Variants in ASPRV1 observed in about 807,000 individuals in gnomAD.
ASPRV1 encodes the protein retroviral-like aspartic protease 1.
ASPRV1 carries 7 observed loss-of-function variants against 11.0 expected under a neutral mutation model. The observed-to-expected ratio is 0.64, with a 90% CI of 0.36 to 1.20. The LOEUF (loss-of-function observed/expected upper bound fraction) is 1.20. Ranked by LOEUF, ASPRV1 falls within the 50% of genes most tolerant of loss-of-function variation. ASPRV1 has a pLI of 0.02. For synonymous variants in ASPRV1, 136 were observed against 138.4 expected (o/e 0.98, Z 0.12); for missense variants, 299 against 320.0 (o/e 0.93, Z 0.50).
chr2:69,968,611 G>A, the ASPRV1 span: 1 of 152,260 alleles, frequency 6.6e-6, no homozygotes, highest in Non-Finnish European at 1.5e-5. Context: ...AGATCTAAGA[G>A]GGTTTATTTG....
chr2:69,969,431 G>A, the ASPRV1 span, among the ~76,000 whole-genome samples: 1 of 152,254 alleles, frequency 6.6e-6, no homozygotes. Context: ...TCGCACTGCT[G>A]TTTTCCTCCT....
chr2:69,976,959 C>T, the ASPRV1 span, among the ~76,000 whole-genome samples: 3 of 152,012 alleles, frequency 2.0e-5, no homozygotes, highest in East Asian at 3.9e-4. Context: ...TGGGAAGCCG[C>T]GGCAGGTGGA....
At chr2:70,078,378 A>C in the ASPRV1 span, among the ~76,000 whole-genome samples, 1 of 152,246 alleles carries the variant, frequency 6.6e-6, no homozygotes. Context: ...ATAATGAACA[A>C]TGAATGAATA....
chr2:70,067,687 A>G, the ASPRV1 span, among the ~76,000 whole-genome samples: 1 of 152,180 alleles, frequency 6.6e-6, no homozygotes, highest in Non-Finnish European at 1.5e-5. Flanking sequence ...AACAAAAAAT[A>G]ATACTTTAAA....
chr2:69,994,705 T>TA, the ASPRV1 span, among the ~76,000 whole-genome samples: 3 of 152,046 alleles, frequency 2.0e-5, no homozygotes, highest in African/African-American at 7.2e-5. Flanking sequence ...TTTAAAAAAA[T>TA]AAACAGAATA....
the ASPRV1 span, chr2:69,975,970 A>C: frequency 6.5e-6 from 1 of 152,800 alleles, no homozygotes; most frequent in Non-Finnish European, 1.5e-5. Context: ...TAAACAGACC[A>C]AAAGAAGAAC....
At chr2:70,029,176 T>C in the ASPRV1 span, among the ~76,000 whole-genome samples, 1 of 151,976 alleles carries the variant, frequency 6.6e-6, no homozygotes, top group African/African-American at 2.4e-5. Context: ...AGAAAGAGGA[T>C]TGGGGCAGGG....
At chr2:70,067,784 T>G in the ASPRV1 span, among the ~76,000 whole-genome samples, 2 of 152,170 alleles carry the variant, frequency 1.3e-5, no homozygotes, top group African/African-American at 4.8e-5. Flanking sequence ...TTACCTCTAG[T>G]GAATACAGAA....
At chr2:70,037,483 C>CTT in the ASPRV1 span, among the ~76,000 whole-genome samples, 1 of 152,182 alleles carries the variant, frequency 6.6e-6, no homozygotes, top group Non-Finnish European at 1.5e-5. Flanking sequence ...TGCACCACCA[C>CTT]TCCTGGCTAA....
At chr2:69,991,620 T>G in the ASPRV1 span, among the ~76,000 whole-genome samples, 10 of 152,212 alleles carry the variant, frequency 6.6e-5, no homozygotes, top group Middle Eastern at 3.4e-3. Context: ...CAATCTCGGC[T>G]CACCACAATC....
At chr2:70,035,258 G>A in the ASPRV1 span, among the ~76,000 whole-genome samples, 1 of 152,146 alleles carries the variant, frequency 6.6e-6, no homozygotes, top group African/African-American at 2.4e-5. Context: ...CTTTTAGGAG[G>A]AGAGATCCAG....
chr2:69,936,745 C>G, the ASPRV1 span, among the ~76,000 whole-genome samples: 1 of 152,144 alleles, frequency 6.6e-6, no homozygotes, highest in Admixed American at 6.5e-5. Flanking sequence ...TTATTTCCTG[C>G]TAACAAACAG....
the ASPRV1 span, among the ~76,000 whole-genome samples, chr2:70,044,095 T>A: frequency 1.3e-5 from 2 of 152,092 alleles, no homozygotes; most frequent in Non-Finnish European, 2.9e-5. Context: ...TCAGTCTGGT[T>A]CTCAGAAATC....
the ASPRV1 span, chr2:70,030,911 A>C: frequency 6.6e-6 from 1 of 152,226 alleles, no homozygotes; most frequent in Non-Finnish European, 1.5e-5. Context: ...GATGCAACAC[A>C]GCAAAATCAC....
At chr2:69,976,175 A>G in the ASPRV1 span, 3 of 152,376 alleles carry the variant, frequency 2.0e-5, no homozygotes, top group Admixed American at 6.5e-5. Context: ...CCCTCCGGCC[A>G]CGTGGTCCGT....
chr2:70,076,328 G>A, the ASPRV1 span, among the ~76,000 whole-genome samples: 1 of 152,212 alleles, frequency 6.6e-6, no homozygotes, highest in Non-Finnish European at 1.5e-5. Context: ...TTTATATGCT[G>A]TGTGACTTAC....
At chr2:69,992,019 GTGGGGAATGTGACCACCTA>G in the ASPRV1 span, among the ~76,000 whole-genome samples, 2 of 152,148 alleles carry the variant, frequency 1.3e-5, no homozygotes, top group Admixed American at 1.3e-4. Flanking sequence ...GTGACCACCT[GTGGGGAATGTGACCACCTA>G]TGGGGAATGT....
At chr2:69,936,902 T>C in the ASPRV1 span, 231,452 of 480,604 alleles carry the variant, frequency 0.48, 59,444 homozygotes, top group African/African-American at 0.79. Context: ...TTCAGGGGAT[T>C]GCTGCAAACA....
chr2:70,010,876 C>T, the ASPRV1 span, among the ~76,000 whole-genome samples: 1 of 152,200 alleles, frequency 6.6e-6, no homozygotes, highest in Non-Finnish European at 1.5e-5. Flanking sequence ...GCTGTGAGTG[C>T]TGGAGGTCAG....
Sources: gnomAD v4.1 joint callset for allele counts (sites outside exome capture counted in the v4.1 genomes callset) on GRCh38, gnomAD v4.1.1 for gene constraint, MANE v1.5 for transcripts, NCBI Gene and HGNC (gene_info 2026-07-23, HGNC 2026-07-21) for gene names.